ARHGAP25: variants seen among roughly 807,000 people sequenced by gnomAD.
ARHGAP25 encodes the protein rho GTPase-activating protein 25.
Under a neutral mutation model 71.0 loss-of-function variants are expected in ARHGAP25, and 34 were observed. That is an observed-to-expected ratio of 0.48 (90% CI 0.36 to 0.64). The LOEUF (loss-of-function observed/expected upper bound fraction) is 0.64, where lower values mean the gene tolerates loss of function less well. Ranked by LOEUF, ARHGAP25 falls within the 30% of genes least tolerant of loss-of-function variation. ARHGAP25 has a pLI of 0.00. For missense variants in ARHGAP25, 706 were observed against 805.1 expected, an observed-to-expected ratio of 0.88 and a Z score of 1.49; for synonymous variants, 282 against 296.5, an observed-to-expected ratio of 0.95 and a Z score of 0.50.
At chr2:68,782,167 T>TC in intron 2 of ARHGAP25, 66 bp from the exon 3 acceptor site, 1 of 1,408,050 alleles carries the variant, frequency 7.1e-7, no homozygotes, top group Non-Finnish European at 1.0e-6. Flanking sequence ...CTATCTGTTG[T>TC]CCAACCCAAT....
intron 10 of ARHGAP25, among the ~76,000 whole-genome samples, chr2:68,823,221 C>G (rs996659187): frequency 6.6e-6 from 1 of 152,292 alleles, no homozygotes; most frequent in Non-Finnish European, 1.5e-5. Context: ...CCTCGAGCCC[C>G]TCCTCTGTGC....
rs192905636 is a variant in ARHGAP25 at position 68,734,909 on chromosome 2, C to T, written c.-291C>T. The T allele has an allele frequency of 2.8e-4, 125 of 454,126 alleles. No homozygotes were observed. Among genetic ancestry groups the T allele is most frequent in the Admixed American group, 1.1e-3 (28 of 25,400 alleles). 28.1% of individuals were successfully genotyped at this position (454,126 alleles called of 1,614,324 possible). A position where few individuals can be genotyped will look rare whatever the true frequency, so the allele number is the denominator to read the frequency against. On this transcript the variant is annotated 5_prime_UTR_variant, in exon 1 of 11. Transcript: ENST00000409202. ...GAGGGAAGTGTCAACTGGGATATTT[C>T]TGGTAAAACTGAAAGCAAGAAAAGC...
chr2:68,770,510 G>A (rs1231166355), intron 1 of ARHGAP25, among the ~76,000 whole-genome samples: 1 of 152,162 alleles, frequency 6.6e-6, no homozygotes, highest in African/African-American at 2.4e-5. Flanking sequence ...AGGGTTCAGC[G>A]GCAGAAGATG....
chr2:68,753,070 G>C (rs566667721), intron 1 of ARHGAP25, among the ~76,000 whole-genome samples: 14 of 133,974 alleles, frequency 1.0e-4, no homozygotes, highest in African/African-American at 3.6e-4. Context: ...ATGTCCACTT[G>C]GGGTGGATGG....
At chr2:68,779,836 G>C (rs187831563) in intron 2 of ARHGAP25, among the ~76,000 whole-genome samples, 2 of 152,184 alleles carry the variant, frequency 1.3e-5, no homozygotes, top group Non-Finnish European at 2.9e-5. Flanking sequence ...CCCTACTGGT[G>C]TCTCTTCCTC....
At chr2:68,823,475 G>C (rs1197844425) in intron 10 of ARHGAP25, among the ~76,000 whole-genome samples, 1 of 152,216 alleles carries the variant, frequency 6.6e-6, no homozygotes, top group East Asian at 1.9e-4. Flanking sequence ...CAGCAGGTAA[G>C]TAAAGGCCTG....
chr2:68,806,847 G>T (rs944279579), intron 4 of ARHGAP25, among the ~76,000 whole-genome samples: 1 of 152,160 alleles, frequency 6.6e-6, no homozygotes, highest in Admixed American at 6.5e-5. Context: ...ATATTGTTGG[G>T]AGTTCACTGC....
rs532636126 is a variant in ARHGAP25 at position 68,782,103 on chromosome 2, GGCTA to G, written c.262-126_262-123del. 5.2e-6 allele frequency: 4 copies of G among 769,112 alleles called. No individual in the cohort carries two copies. The South Asian group carries it at 7.2e-5, about 14-fold the overall frequency. 47.6% of individuals were successfully genotyped at this position (769,112 alleles called of 1,614,324 possible). The stretch of plus-strand genomic sequence containing the variant: ...AGAAGGGGCCCCATTAAAACTGGGA[GGCTA>G]GCTTCCCATGTCCCTATCCTCCTAC... On this transcript the variant is annotated intron_variant, in intron 2 of 10. Coordinates refer to ENST00000409202, the MANE Select transcript of ARHGAP25 (RefSeq NM_001007231.3).
At chr2:68,804,022 C>G (rs1363213055) in intron 4 of ARHGAP25, among the ~76,000 whole-genome samples, 1 of 151,532 alleles carries the variant, frequency 6.6e-6, no homozygotes, top group Non-Finnish European at 1.5e-5. Flanking sequence ...AGCAGCAGGG[C>G]GGGGATGTTG....
chr2:68,757,120 G>C (rs1041148474), intron 1 of ARHGAP25, among the ~76,000 whole-genome samples: 2 of 152,038 alleles, frequency 1.3e-5, no homozygotes, highest in African/African-American at 4.8e-5. Context: ...TATCAAGTAT[G>C]AGAAATACAA....
intron 1 of ARHGAP25, among the ~76,000 whole-genome samples, chr2:68,745,951 C>G (rs1224589521): frequency 6.6e-6 from 1 of 152,000 alleles, no homozygotes; most frequent in Non-Finnish European, 1.5e-5. Flanking sequence ...GAGGGTGAAC[C>G]CACTCCTTCA....
At chr2:68,809,398 T>G (rs1003141615) in intron 5 of ARHGAP25, among the ~76,000 whole-genome samples, 1 of 152,066 alleles carries the variant, frequency 6.6e-6, no homozygotes. Context: ...TCAAGACAGG[T>G]CAACAAAACT....
intron 8 of ARHGAP25, among the ~76,000 whole-genome samples, chr2:68,818,485 A>G (rs1057457142): frequency 6.6e-6 from 1 of 152,014 alleles, no homozygotes; most frequent in African/African-American, 2.4e-5. Flanking sequence ...AAACCCCCAC[A>G]CCCAGATAAT....
At position 68,826,080 on chromosome 2, in the gene ARHGAP25, C is replaced by G. The variant is rs1309645258; in HGVS notation, c.1827C>G (p.Ile609Met). The G allele has an allele frequency of 6.2e-7, 1 of 1,614,094 alleles. No homozygotes were observed. The highest frequency in any genetic ancestry group is 1.1e-5 in the South Asian group (1 of 91,078). The stretch of plus-strand genomic sequence containing the variant: ...AGAAGAAGTCTGCAGCCCTAGAGAT[C>G]AGCCTCCGCAACATGGAGCGCTCCC... ...KEKKKSAALE[I>M]SLRNMERSRE... is the part of the protein sequence containing the mutation. Residue 609 changes from isoleucine (I) to methionine (M), a missense_variant, in exon 11 of 11, where the codon ATC (isoleucine) becomes ATG (methionine). Coordinates refer to ENST00000409202, the MANE Select transcript of ARHGAP25 (RefSeq NM_001007231.3).
chr2:68,732,962 A>T (rs1265501330), upstream of ARHGAP25, among the ~76,000 whole-genome samples: 4 of 152,208 alleles, frequency 2.6e-5, no homozygotes, highest in Non-Finnish European at 5.9e-5. Flanking sequence ...TTTGGAGTTC[A>T]GGGGGTCTGG....
intron 1 of ARHGAP25, among the ~76,000 whole-genome samples, chr2:68,748,987 C>A (rs989085884): frequency 6.6e-6 from 1 of 151,832 alleles, no homozygotes; most frequent in Non-Finnish European, 1.5e-5. Context: ...GTAGTATGGG[C>A]AGTTAGGTTT....
intron 10 of ARHGAP25, among the ~76,000 whole-genome samples, chr2:68,824,921 G>A (rs766573948): frequency 2.0e-5 from 3 of 152,002 alleles, no homozygotes; most frequent in Non-Finnish European, 2.9e-5. Flanking sequence ...TGTGCAAATG[G>A]GCAGGCCATT....
chr2:68,826,017 T>C lies in ARHGAP25; in HGVS notation c.1764T>C (p.Ala588=), dbSNP rs1682100882. 5.6e-6 allele frequency: 9 copies of C among 1,613,868 alleles called. No individual in the cohort carries two copies. Among genetic ancestry groups the C allele is most frequent in the Non-Finnish European group, 6.8e-6 (8 of 1,179,968 alleles). Residue 588 remains alanine, a synonymous_variant, in exon 11 of 11, where the codon GCT becomes GCC. Coordinates refer to ENST00000409202, the MANE Select transcript of ARHGAP25 (RefSeq NM_001007231.3). The stretch of plus-strand genomic sequence containing the variant: ...AGAAGGAAAATTATGACGTTTGGGC[T>C]AAAGTGGTGAGGCTCAATGAAGAAC... ...NLEKENYDVW[A]KVVRLNEELE...
At chr2:68,772,567 T>G (rs1358394482) in intron 1 of ARHGAP25, among the ~76,000 whole-genome samples, 1 of 152,262 alleles carries the variant, frequency 6.6e-6, no homozygotes, top group East Asian at 1.9e-4. Flanking sequence ...GTAAACTATC[T>G]TTTTCATTTT....
Sources: allele counts gnomAD v4.1 joint callset (sites outside exome capture counted in the v4.1 genomes callset), GRCh38; gene constraint gnomAD v4.1.1; transcripts MANE v1.5; gene names NCBI Gene and HGNC (gene_info 2026-07-23, HGNC 2026-07-21).